ATG5: variants seen among roughly 807,000 people sequenced by gnomAD.
ATG5 encodes the protein autophagy related 5, also known as autophagy protein 5.
A neutral mutation model predicts 36.5 loss-of-function variants in ATG5; 14 were observed. The ratio of observed to expected loss-of-function variants is 0.38; its 90% CI spans 0.25 to 0.60. The LOEUF (loss-of-function observed/expected upper bound fraction) is 0.60, where lower values mean the gene tolerates loss of function less well. Among genes scored for constraint, ATG5 ranks in the 20% least tolerant of loss-of-function variants. ATG5 has a pLI of 0.60. For missense variants in ATG5, 195 were observed against 326.7 expected (o/e 0.60, Z 3.11); for synonymous variants, 95 against 101.5 (o/e 0.94, Z 0.38).
chr6:106,288,577 C>A (rs1377544763), intron 4 of ATG5, among the ~76,000 whole-genome samples: 1 of 152,164 alleles, frequency 6.6e-6, no homozygotes, highest in Non-Finnish European at 1.5e-5. Context: ...GTTCTACAGA[C>A]AATTACCATT....
chr6:106,253,870 G>T (rs1366307643), intron 5 of ATG5, among the ~76,000 whole-genome samples: 1 of 152,062 alleles, frequency 6.6e-6, no homozygotes, highest in African/African-American at 2.4e-5. Flanking sequence ...TGCATCTGGG[G>T]CAGACTGCTC....
chr6:106,315,112 C>A (rs539718672), intron 2 of ATG5, among the ~76,000 whole-genome samples: 1 of 152,130 alleles, frequency 6.6e-6, no homozygotes, highest in Non-Finnish European at 1.5e-5. Flanking sequence ...AAAAAGTGAG[C>A]GAATGGGCTC....
intron 5 of ATG5, among the ~76,000 whole-genome samples, chr6:106,272,912 ACT>A (rs1246825388): frequency 1.3e-5 from 2 of 152,292 alleles, no homozygotes; most frequent in African/African-American, 4.8e-5. Flanking sequence ...ATTTCCAAAA[ACT>A]CACACAGACA....
intron 5 of ATG5, among the ~76,000 whole-genome samples, chr6:106,270,518 T>G (rs748143047): frequency 5.3e-5 from 8 of 152,228 alleles, no homozygotes; most frequent in Non-Finnish European, 7.3e-5. Context: ...TTCATTGCTT[T>G]GTATGACTGT....
At chr6:106,189,524 G>C (rs1582524095) in intron 7 of ATG5, among the ~76,000 whole-genome samples, 1 of 152,086 alleles carries the variant, frequency 6.6e-6, no homozygotes, top group African/African-American at 2.4e-5. Context: ...GGGAGGCTGA[G>C]GTGGGAGGAT....
chr6:106,205,783 C>G (rs774910858), intron 6 of ATG5, among the ~76,000 whole-genome samples: 23 of 151,914 alleles, frequency 1.5e-4, no homozygotes, highest in African/African-American at 2.2e-4. Context: ...GGGACAAAGC[C>G]CCAGTGCTAT....
intron 7 of ATG5, among the ~76,000 whole-genome samples, chr6:106,194,041 G>A (rs557895385): frequency 2.0e-5 from 3 of 152,270 alleles, no homozygotes; most frequent in Admixed American, 1.3e-4. Context: ...AGCATCTTCT[G>A]TCAGTCCAGT....
chr6:106,307,995 T>C (rs891347757), intron 3 of ATG5, among the ~76,000 whole-genome samples: 2 of 152,160 alleles, frequency 1.3e-5, no homozygotes, highest in Non-Finnish European at 2.9e-5. Flanking sequence ...CTTAAGGTAA[T>C]CATGTATATA....
intron 6 of ATG5, among the ~76,000 whole-genome samples, chr6:106,231,848 G>A (rs1283823228): frequency 6.6e-6 from 1 of 152,128 alleles, no homozygotes; most frequent in Non-Finnish European, 1.5e-5. Context: ...ATAAAAAAAA[G>A]GCCACCGCTT....
In ATG5 at chr6:106,185,435, T is replaced by C. The variant is rs1775729988; in HGVS notation, c.*1105A>G. 1 of 152,568 alleles carries C rather than the reference T, an allele frequency of 6.6e-6. No homozygotes were observed. 9.5% of individuals were successfully genotyped at this position (152,568 alleles called of 1,614,324 possible). ...AAATCCCAGAGGCTTGGTAATAAAG[T>C]GCAGCAAACTTTCCTTATATTGAAT... On this transcript the variant is annotated 3_prime_UTR_variant, in exon 8 of 8. Transcript: ENST00000369076.
chr6:106,304,245 T>G (rs1040566398), intron 3 of ATG5: 1 of 152,080 alleles, frequency 6.6e-6, no homozygotes, highest in Non-Finnish European at 1.5e-5. Flanking sequence ...TGCACAACGA[T>G]GACACCCAAA....
chr6:106,255,246 C>A (rs1425174324), intron 5 of ATG5, among the ~76,000 whole-genome samples: 2 of 152,154 alleles, frequency 1.3e-5, no homozygotes, highest in African/African-American at 4.8e-5. Context: ...CCTTTCCAAC[C>A]CCTTCTTCTT....
intron 3 of ATG5, among the ~76,000 whole-genome samples, chr6:106,306,876 G>T (rs1366116488): frequency 6.6e-6 from 1 of 152,146 alleles, no homozygotes; most frequent in East Asian, 1.9e-4. Flanking sequence ...GGGAAGCATT[G>T]CCTTATCTAT....
intron 6 of ATG5, among the ~76,000 whole-genome samples, chr6:106,232,617 G>C (rs1438656341): frequency 6.6e-6 from 1 of 152,002 alleles, no homozygotes; most frequent in Admixed American, 6.6e-5. Flanking sequence ...GCTCAACAAG[G>C]ACTCCAAAAG....
chr6:106,236,660 G>T (rs1207393719), intron 6 of ATG5, among the ~76,000 whole-genome samples: 1 of 152,082 alleles, frequency 6.6e-6, no homozygotes, highest in Non-Finnish European at 1.5e-5. Context: ...ACTTAAATTT[G>T]TAACTAAAGG....
intron 1 of ATG5, among the ~76,000 whole-genome samples, chr6:106,319,959 A>G (rs1771000592): frequency 6.6e-6 from 1 of 152,238 alleles, no homozygotes; most frequent in African/African-American, 2.4e-5. Context: ...TTAACAGTAG[A>G]TTATATACTA....
At chr6:106,279,861 A>G in intron 4 of ATG5, 38 bp from the exon 5 acceptor site, 1 of 1,299,946 alleles carries the variant, frequency 7.7e-7, no homozygotes, top group Non-Finnish European at 1.0e-6. Flanking sequence ...AACAGGATAC[A>G]CACATTACAA....
At chr6:106,216,100 G>A (rs534753044) in intron 6 of ATG5, among the ~76,000 whole-genome samples, 5 of 152,244 alleles carry the variant, frequency 3.3e-5, no homozygotes, top group East Asian at 1.9e-4. Context: ...GAAAATAAGC[G>A]TTGGCAAGGA....
intron 5 of ATG5, among the ~76,000 whole-genome samples, chr6:106,252,457 A>T (rs1390079481): frequency 6.6e-6 from 1 of 152,054 alleles, no homozygotes; most frequent in African/African-American, 2.4e-5. Context: ...TGCAAATTTT[A>T]AAACACCTGG....
Sources: gnomAD v4.1 joint callset for allele counts (sites outside exome capture counted in the v4.1 genomes callset) on GRCh38, gnomAD v4.1.1 for gene constraint, MANE v1.5 for transcripts, NCBI Gene and HGNC (gene_info 2026-07-23, HGNC 2026-07-21) for gene names.